The following MARCHF1 variants were observed in gnomAD, a reference collection of about 807,000 sequenced individuals.
MARCHF1 encodes E3 ubiquitin-protein ligase MARCHF1.
Under a neutral mutation model 54.2 loss-of-function variants are expected in MARCHF1, and 40 were observed. The ratio of observed to expected loss-of-function variants is 0.74; its 90% CI spans 0.57 to 0.96. The LOEUF (loss-of-function observed/expected upper bound fraction) is 0.96. Ranked by LOEUF, MARCHF1 falls within the 40% of genes least tolerant of loss-of-function variation. MARCHF1 has a pLI of 0.00. For missense variants in MARCHF1, 586 were observed against 656.5 expected (o/e 0.89, Z 1.17); for synonymous variants, 236 against 236.3 (o/e 1.00, Z 0.01).
intron 1 of MARCHF1, among the ~76,000 whole-genome samples, chr4:164,140,206 TAC>T (rs1392526273): frequency 3.5e-5 from 5 of 144,026 alleles, no homozygotes; most frequent in Admixed American, 1.5e-4. Context: ...CACACATATA[TAC>T]ACACACACTA....
intron 4 of MARCHF1, among the ~76,000 whole-genome samples, chr4:163,789,937 T>C (rs1747727735): frequency 6.6e-6 from 1 of 152,118 alleles, no homozygotes; most frequent in Non-Finnish European, 1.5e-5. Flanking sequence ...AAATATTGTG[T>C]CTGTCAAATT....
intron 5 of MARCHF1, among the ~76,000 whole-genome samples, chr4:163,700,300 T>G (rs943945288): frequency 6.6e-6 from 1 of 151,456 alleles, no homozygotes; most frequent in African/African-American, 2.4e-5. Flanking sequence ...AGCTCAGGAG[T>G]TCTAGACTAG....
At chr4:164,068,709 C>T (rs1007939636) in intron 2 of MARCHF1, among the ~76,000 whole-genome samples, 2 of 152,188 alleles carry the variant, frequency 1.3e-5, no homozygotes, top group African/African-American at 4.8e-5. Flanking sequence ...GCCCCCAGTC[C>T]CATTGACCAC....
At chr4:164,052,529 CA>C (rs375832848) in intron 2 of MARCHF1, among the ~76,000 whole-genome samples, 15 of 145,096 alleles carry the variant, frequency 1.0e-4, no homozygotes, top group Admixed American at 2.1e-4. Context: ...GACTTCGTCT[CA>C]AAAAAAAAAG....
At chr4:164,173,126 G>T (rs1369492552) in intron 1 of MARCHF1, among the ~76,000 whole-genome samples, 1 of 152,088 alleles carries the variant, frequency 6.6e-6, no homozygotes, top group Non-Finnish European at 1.5e-5. Flanking sequence ...TTTAAGTTTT[G>T]CATTTAAATC....
chr4:163,583,594 T>C (rs1320758561), intron 8 of MARCHF1: 3 of 151,644 alleles, frequency 2.0e-5, no homozygotes, highest in East Asian at 1.9e-4. Context: ...AGTAGGTACA[T>C]AGGTGCCCAC....
At chr4:163,849,378 T>C (rs759741426) in intron 4 of MARCHF1, among the ~76,000 whole-genome samples, 2 of 152,112 alleles carry the variant, frequency 1.3e-5, no homozygotes, top group Non-Finnish European at 2.9e-5. Flanking sequence ...ATTATCATCA[T>C]CTTTAGATGG....
intron 5 of MARCHF1, among the ~76,000 whole-genome samples, chr4:163,637,179 G>A (rs1255184043): frequency 6.6e-6 from 1 of 152,054 alleles, no homozygotes; most frequent in African/African-American, 2.4e-5. Flanking sequence ...TCAGGACATA[G>A]GCATGGGCAA....
chr4:164,012,784 C>T (rs1278654839), intron 2 of MARCHF1, among the ~76,000 whole-genome samples: 1 of 152,098 alleles, frequency 6.6e-6, no homozygotes, highest in Non-Finnish European at 1.5e-5. Flanking sequence ...TTCACCAAGG[C>T]AGTGTCTATA....
At chr4:164,096,932 T>C (rs1436913971) in intron 2 of MARCHF1, among the ~76,000 whole-genome samples, 8 of 152,144 alleles carry the variant, frequency 5.3e-5, no homozygotes, top group Admixed American at 5.2e-4. Context: ...AAGAAATCAC[T>C]GAAGCCTTTA....
intron 1 of MARCHF1, among the ~76,000 whole-genome samples, chr4:164,302,335 T>C (rs1579703059): frequency 6.9e-6 from 1 of 145,082 alleles, no homozygotes; most frequent in Non-Finnish European, 1.5e-5. Flanking sequence ...TTCCAACACA[T>C]GACAAGTAAA....
intron 1 of MARCHF1, among the ~76,000 whole-genome samples, chr4:164,287,244 A>C (rs1374915999): frequency 6.6e-6 from 1 of 151,596 alleles, no homozygotes; most frequent in Non-Finnish European, 1.5e-5. Flanking sequence ...TTAATAGTCA[A>C]ATTAGGGTTT....
At chr4:164,341,291 C>A (rs75056634) in intron 1 of MARCHF1, among the ~76,000 whole-genome samples, 2,322 of 137,222 alleles carry the variant, frequency 0.017, 72 homozygotes, top group East Asian at 0.14. Context: ...AAAAAAAAAA[C>A]CCCAGCATAC....
intron 8 of MARCHF1, among the ~76,000 whole-genome samples, chr4:163,571,724 T>TG: frequency 6.6e-6 from 1 of 151,724 alleles, no homozygotes; most frequent in East Asian, 1.9e-4. Flanking sequence ...TAAACTGATT[T>TG]GCTCAGACTT....
At chr4:164,100,526 G>A (rs1418831464) in intron 2 of MARCHF1, among the ~76,000 whole-genome samples, 1 of 152,216 alleles carries the variant, frequency 6.6e-6, no homozygotes, top group East Asian at 1.9e-4. Context: ...AAGAATATGT[G>A]TTGCCTAAAT....
chr4:163,644,411 G>T (rs1742675345), intron 5 of MARCHF1, among the ~76,000 whole-genome samples: 1 of 152,116 alleles, frequency 6.6e-6, no homozygotes, highest in South Asian at 2.1e-4. Context: ...AATCTTGATT[G>T]TGGACAACTT....
intron 9 of MARCHF1, among the ~76,000 whole-genome samples, chr4:163,537,200 A>C (rs927642646): frequency 6.6e-6 from 1 of 152,174 alleles, no homozygotes; most frequent in Non-Finnish European, 1.5e-5. Flanking sequence ...AAATGGGGCT[A>C]AATGGATTTT....
At chr4:164,189,718 A>G (rs1560946173) in intron 1 of MARCHF1, 4 of 1,083,806 alleles carry the variant, frequency 3.7e-6, no homozygotes, top group South Asian at 2.5e-5. Context: ...CAAGAAGTCC[A>G]TATCTTTTCT....
intron 1 of MARCHF1, among the ~76,000 whole-genome samples, chr4:164,166,775 T>C (rs538312957): frequency 8.6e-5 from 13 of 151,890 alleles, no homozygotes; most frequent in African/African-American, 2.6e-4. Flanking sequence ...AGCTGTTAGA[T>C]GCAATAAACA....
Sources: allele counts gnomAD v4.1 joint callset (sites outside exome capture counted in the v4.1 genomes callset), GRCh38; gene constraint gnomAD v4.1.1; transcripts MANE v1.5; gene names NCBI Gene and HGNC (gene_info 2026-07-23, HGNC 2026-07-21).